ADAMTSL3: variants seen among roughly 807,000 people sequenced by gnomAD.
The protein encoded by ADAMTSL3 is ADAMTS like 3, also known as ADAMTS-like protein 3.
ADAMTSL3 carries 128 observed loss-of-function variants against 201.7 expected under a neutral mutation model. The observed-to-expected ratio is 0.63, with a 90% CI of 0.55 to 0.73. The LOEUF (loss-of-function observed/expected upper bound fraction) is 0.73, where lower values mean the gene tolerates loss of function less well. Among genes scored for constraint, ADAMTSL3 ranks in the 30% least tolerant of loss-of-function variants. ADAMTSL3 has a pLI of 0.00. For synonymous variants in ADAMTSL3, 738 were observed against 748.4 expected (o/e 0.99, Z 0.23); for missense variants, 1,990 against 2,119.6 (o/e 0.94, Z 1.20).
Position 83,858,858 on chromosome 15 carries a change from T to A in ADAMTSL3, c.802+18T>A. The A allele has an allele frequency of 1.3e-6, 2 of 1,573,856 alleles. No homozygotes were observed. The highest frequency in any genetic ancestry group is 1.7e-6 in the Non-Finnish European group (2 of 1,156,124). The stretch of plus-strand genomic sequence containing the variant: ...CCACCTCTGTAAGTAGAATTTAATC[T>A]TAACATTTTTTAATATCCTGAAAGT... On this transcript the variant is annotated intron_variant, in intron 8 of 29. Transcript: ENST00000286744.
intron 2 of ADAMTSL3, among the ~76,000 whole-genome samples, chr15:83,682,589 T>C (rs528385204): frequency 2.6e-4 from 39 of 152,164 alleles, no homozygotes; most frequent in Non-Finnish European, 5.0e-4. Context: ...GACTAGTATA[T>C]TGGAAGAGGA....
chr15:83,810,408 G>A (rs1190376238), intron 5 of ADAMTSL3, among the ~76,000 whole-genome samples: 1 of 152,194 alleles, frequency 6.6e-6, no homozygotes, highest in African/African-American at 2.4e-5. Context: ...TTTTAAACAA[G>A]CATGTGGGTG....
chr15:83,818,792 T>G (rs2063809158), intron 5 of ADAMTSL3, among the ~76,000 whole-genome samples: 1 of 152,186 alleles, frequency 6.6e-6, no homozygotes, highest in East Asian at 1.9e-4. Context: ...TCATCAATAT[T>G]TGTACAAACA....
At chr15:83,884,679 G>A (rs897256457) in intron 9 of ADAMTSL3, among the ~76,000 whole-genome samples, 5 of 152,102 alleles carry the variant, frequency 3.3e-5, no homozygotes, top group Non-Finnish European at 5.9e-5. Flanking sequence ...TCAGAAGGAT[G>A]TGCTTAAATA....
intron 19 of ADAMTSL3, among the ~76,000 whole-genome samples, chr15:83,966,401 T>G (rs1261443618): frequency 6.6e-6 from 1 of 152,138 alleles, no homozygotes; most frequent in Non-Finnish European, 1.5e-5. Flanking sequence ...TATAAACACC[T>G]CTACGCAAAT....
At position 83,982,505 on chromosome 15, in the gene ADAMTSL3, T is replaced by C; in HGVS notation, c.2877T>C (p.Leu959=). The C allele has an allele frequency of 6.2e-7, 1 of 1,614,216 alleles. No homozygotes were observed. The highest frequency in any genetic ancestry group is 8.5e-7 in the Non-Finnish European group (1 of 1,180,026). ...GTTGCCTGCAGAACTCCAAACGGCT[T>C]GGCATCACCAAGTCAGGCTCACTAA... ...DGRCLQNSKR[L]GITKSGSLKI... Residue 959 remains leucine (L), a synonymous_variant, in exon 21 of 30, where the codon CTT becomes CTC. Transcript: ENST00000286744.
rs1299956096 is a variant in ADAMTSL3, at chr15:83,942,708, C to T, written c.2230C>T (p.Arg744Ter). The change falls in exon 18 of 30, where the codon CGA becomes TGA. Residue 744 changes from arginine (R) to a stop codon, truncating the protein, a stop_gained. Coordinates refer to ENST00000286744, the MANE Select transcript of ADAMTSL3 (RefSeq NM_207517.3). LOFTEE classifies it high-confidence loss of function. ...GETPAPPEEC[R>*]DEKPHALQAC... ...GACCCCTGCCCCTCCTGAGGAGTGC[C>T]GAGATGAAAAGCCCCATGCTTTACA... 5.0e-6 allele frequency: 8 copies of T among 1,613,970 alleles called. No individual in the cohort carries two copies. Among genetic ancestry groups the T allele is most frequent in the East Asian group, 2.2e-5 (1 of 44,832 alleles).
chr15:83,920,440 A>G (rs889476146), intron 16 of ADAMTSL3, among the ~76,000 whole-genome samples: 1 of 152,158 alleles, frequency 6.6e-6, no homozygotes, highest in Non-Finnish European at 1.5e-5. Context: ...CCTAAAAAGA[A>G]CTCACCTATT....
chr15:83,819,263 CAAAA>C (rs397932701), intron 5 of ADAMTSL3, among the ~76,000 whole-genome samples: 3 of 76,496 alleles, frequency 3.9e-5, no homozygotes, highest in African/African-American at 5.9e-5. Context: ...CACTCCGTCT[CAAAA>C]AAAAAAAAAA....
At chr15:83,742,674 G>A (rs974917048) in intron 3 of ADAMTSL3, among the ~76,000 whole-genome samples, 5 of 152,178 alleles carry the variant, frequency 3.3e-5, no homozygotes, top group Non-Finnish European at 5.9e-5. Flanking sequence ...GCATGATTTT[G>A]TAGTTTGTAA....
At chr15:83,834,474 G>C (rs141390608) in intron 6 of ADAMTSL3, among the ~76,000 whole-genome samples, 157 of 151,884 alleles carry the variant, frequency 1.0e-3, no homozygotes, top group African/African-American at 3.8e-3. Flanking sequence ...GATTTCAAAC[G>C]GTTGATTTAA....
chr15:83,970,133 ATAAAT>A (rs1340694719), intron 19 of ADAMTSL3, among the ~76,000 whole-genome samples: 1 of 152,212 alleles, frequency 6.6e-6, no homozygotes, highest in Non-Finnish European at 1.5e-5. Context: ...TGGCTAAAAA[ATAAAT>A]TAGATATTAA....
intron 7 of ADAMTSL3, among the ~76,000 whole-genome samples, chr15:83,848,412 A>G (rs184537844): frequency 1.3e-5 from 2 of 152,248 alleles, no homozygotes; most frequent in Admixed American, 6.5e-5. Context: ...TTTCCTGTAC[A>G]TCTTGCTACT....
intron 29 of ADAMTSL3, 84 bp downstream of exon 29, chr15:84,037,071 C>G: frequency 6.5e-6 from 9 of 1,394,344 alleles, no homozygotes; most frequent in Non-Finnish European, 9.0e-6. Flanking sequence ...GCACCAAACC[C>G]TGCTAGTGAT....
intron 17 of ADAMTSL3, among the ~76,000 whole-genome samples, chr15:83,938,613 G>C (rs2066501491): frequency 6.6e-6 from 1 of 152,048 alleles, no homozygotes; most frequent in Admixed American, 6.5e-5. Flanking sequence ...TTTTTCTCTG[G>C]AGTTGGCAAT....
intron 2 of ADAMTSL3, among the ~76,000 whole-genome samples, chr15:83,668,914 A>T (rs567708412): frequency 6.6e-6 from 1 of 152,308 alleles, no homozygotes; most frequent in East Asian, 1.9e-4. Context: ...GATACAAAAA[A>T]CCCAAATGCA....
At chr15:83,663,280 A>G (rs1444514540) in intron 2 of ADAMTSL3, among the ~76,000 whole-genome samples, 2 of 152,166 alleles carry the variant, frequency 1.3e-5, no homozygotes, top group Non-Finnish European at 2.9e-5. Context: ...GTGGACGGAC[A>G]TTCTCTCCTT....
In ADAMTSL3 at chr15:83,863,577, A is replaced by G. The variant is rs2064911781; in HGVS notation, c.802+4737A>G. On this transcript the variant is annotated intron_variant, in intron 8 of 29. Coordinates refer to ENST00000286744, the MANE Select transcript of ADAMTSL3 (RefSeq NM_207517.3). ...TTCTTTGAAACCAATGAGAACAAAG[A>G]CACAACATACCAGAATCTCTGGGAC... Among the ~76,000 whole-genome samples, 7 of 152,354 alleles carry G rather than the reference A, an allele frequency of 4.6e-5. No individual in the cohort carries two copies. The South Asian group carries it at 1.4e-3, about 32-fold the overall frequency.
intron 3 of ADAMTSL3, 112 bp downstream of exon 3, chr15:83,704,620 A>G: frequency 1.4e-6 from 2 of 1,400,632 alleles, no homozygotes; most frequent in Non-Finnish European, 2.0e-6. Flanking sequence ...CAATACAAGT[A>G]CAACAGACCC....
Sources: gnomAD v4.1 joint callset for allele counts (sites outside exome capture counted in the v4.1 genomes callset) on GRCh38, gnomAD v4.1.1 for gene constraint, MANE v1.5 for transcripts, NCBI Gene and HGNC (gene_info 2026-07-23, HGNC 2026-07-21) for gene names.